SPAG16: variants seen among roughly 807,000 people sequenced by gnomAD.
SPAG16 encodes sperm associated antigen 16.
In SPAG16, 86 loss-of-function variants were observed where a neutral mutation model predicts 80.4. That is an observed-to-expected ratio of 1.07 (90% confidence interval 0.90 to 1.28). The LOEUF is 1.28. SPAG16 is among the 50% of genes most tolerant of loss of function. SPAG16 has a pLI of 0.00. For missense variants in SPAG16, 870 were observed against 765.3 expected, an observed-to-expected ratio of 1.14 and a Z score of -1.61; for synonymous variants, 294 against 265.9, an observed-to-expected ratio of 1.11 and a Z score of -1.03.
chr2:214,180,762 G>A (rs1395116573), intron 15 of SPAG16, among the ~76,000 whole-genome samples: 6 of 151,720 alleles, frequency 4.0e-5, no homozygotes, highest in African/African-American at 1.2e-4. Flanking sequence ...CTCTGATAGT[G>A]GTTCCAGGAT....
intron 10 of SPAG16, among the ~76,000 whole-genome samples, chr2:213,747,704 A>C (rs1160607719): frequency 6.6e-6 from 1 of 152,220 alleles, no homozygotes. Flanking sequence ...AGGCCCTGCT[A>C]TCTAGGTTTG....
intron 10 of SPAG16, among the ~76,000 whole-genome samples, chr2:213,563,811 T>G (rs2059671679): frequency 2.0e-5 from 3 of 152,232 alleles, no homozygotes; most frequent in Admixed American, 2.0e-4. Context: ...CACATATTTA[T>G]TAACGAAGGA....
At chr2:214,233,341 A>ATG (rs1559144577) in intron 15 of SPAG16, among the ~76,000 whole-genome samples, 6 of 81,796 alleles carry the variant, frequency 7.3e-5, no homozygotes, top group Non-Finnish European at 1.3e-4. Context: ...AAAAATAGAT[A>ATG]ATAATGATGA....
chr2:213,406,063 A>T (rs998789938), intron 9 of SPAG16, among the ~76,000 whole-genome samples: 7 of 152,232 alleles, frequency 4.6e-5, no homozygotes, highest in African/African-American at 1.7e-4. Context: ...TAGGTTCAGC[A>T]TCTTTAAGCT....
intron 15 of SPAG16, among the ~76,000 whole-genome samples, chr2:214,275,227 T>G (rs1204834819): frequency 2.6e-5 from 4 of 152,222 alleles, no homozygotes; most frequent in Non-Finnish European, 4.4e-5. Flanking sequence ...ATCAATTTTG[T>G]TGATCTTTTC....
chr2:213,922,914 G>A (rs973583352), intron 11 of SPAG16, among the ~76,000 whole-genome samples: 2 of 152,174 alleles, frequency 1.3e-5, no homozygotes, highest in Non-Finnish European at 2.9e-5. Context: ...TTCTTGCCAG[G>A]TTGGCCTTAA....
intron 13 of SPAG16, among the ~76,000 whole-genome samples, chr2:214,082,797 C>A (rs952533501): frequency 2.0e-5 from 3 of 152,166 alleles, no homozygotes; most frequent in Non-Finnish European, 4.4e-5. Flanking sequence ...ACAGATTCAA[C>A]CTTTATGATA....
intron 12 of SPAG16, among the ~76,000 whole-genome samples, chr2:213,964,220 G>A (rs536851614): frequency 6.6e-6 from 1 of 151,990 alleles, no homozygotes; most frequent in East Asian, 1.9e-4. Flanking sequence ...TGTAGTATAT[G>A]CATACTATTT....
chr2:214,027,974 T>C (rs1473785619), intron 13 of SPAG16, among the ~76,000 whole-genome samples: 2 of 151,952 alleles, frequency 1.3e-5, no homozygotes, highest in African/African-American at 4.8e-5. Context: ...AGCTAACTAA[T>C]TAAAATATAT....
intron 12 of SPAG16, among the ~76,000 whole-genome samples, chr2:213,940,536 C>T (rs2079155761): frequency 6.6e-6 from 1 of 152,140 alleles, no homozygotes; most frequent in Admixed American, 6.5e-5. Flanking sequence ...CCCAATTGAT[C>T]CTCCTGCCTT....
At chr2:213,738,075 T>A (rs2067376017) in intron 10 of SPAG16, among the ~76,000 whole-genome samples, 1 of 152,216 alleles carries the variant, frequency 6.6e-6, no homozygotes, top group Non-Finnish European at 1.5e-5. Context: ...ATTCAAATAA[T>A]ATCCTGGTTT....
chr2:214,064,983 AAAT>A (rs1163915935), intron 13 of SPAG16, among the ~76,000 whole-genome samples: 4 of 151,970 alleles, frequency 2.6e-5, no homozygotes, highest in Non-Finnish European at 5.9e-5. Context: ...ATATAAGAAT[AAAT>A]AATAATAACA....
intron 3 of SPAG16, 90 bp downstream of exon 3, chr2:213,297,447 G>A: frequency 1.5e-6 from 1 of 671,888 alleles, no homozygotes. Context: ...AAATACTAGT[G>A]TAGCTCAGTC....
At chr2:213,557,334 A>G (rs892139234) in intron 10 of SPAG16, among the ~76,000 whole-genome samples, 2 of 152,160 alleles carry the variant, frequency 1.3e-5, no homozygotes, top group East Asian at 1.9e-4. Context: ...GCAATTTTAT[A>G]TACATGTAAT....
chr2:213,512,281 G>A (rs191919354), intron 10 of SPAG16, among the ~76,000 whole-genome samples: 129 of 152,262 alleles, frequency 8.5e-4, no homozygotes, highest in Non-Finnish European at 1.6e-3. Context: ...TTTTTCTGTA[G>A]TATGATAAAG....
intron 10 of SPAG16, among the ~76,000 whole-genome samples, chr2:213,499,461 T>C (rs1204261747): frequency 2.0e-5 from 3 of 152,160 alleles, no homozygotes; most frequent in South Asian, 4.1e-4. Context: ...AGTGACTTAA[T>C]ATGTGTTGAA....
At chr2:213,946,410 G>A (rs1284742684) in intron 12 of SPAG16, among the ~76,000 whole-genome samples, 3 of 152,150 alleles carry the variant, frequency 2.0e-5, no homozygotes, top group African/African-American at 7.2e-5. Flanking sequence ...ACTGTGCCCG[G>A]CCTGTTGGGG....
chr2:213,896,862 A>T (rs1014528029), intron 11 of SPAG16, among the ~76,000 whole-genome samples: 1 of 152,034 alleles, frequency 6.6e-6, no homozygotes, highest in African/African-American at 2.4e-5. Flanking sequence ...AAGCTAAAAA[A>T]GTGAATCTCA....
chr2:214,044,431 G>T (rs2125106273), intron 13 of SPAG16, among the ~76,000 whole-genome samples: 1 of 152,266 alleles, frequency 6.6e-6, no homozygotes, highest in South Asian at 2.1e-4. Flanking sequence ...CAACTTGATA[G>T]ATGGCTTTTA....
Sources: allele counts gnomAD v4.1 joint callset (sites outside exome capture counted in the v4.1 genomes callset), GRCh38; gene constraint gnomAD v4.1.1; transcripts MANE v1.5; gene names NCBI Gene and HGNC (gene_info 2026-07-23, HGNC 2026-07-21).